The following ARB2A variants were observed in gnomAD, a reference collection of about 807,000 sequenced individuals.
ARB2A encodes the protein cotranscriptional regulator ARB2A.
chr5:93,882,586 T>C, the ARB2A span, among the ~76,000 whole-genome samples: 1 of 151,298 alleles, frequency 6.6e-6, no homozygotes, highest in Admixed American at 6.6e-5. Flanking sequence ...ATTTATATTA[T>C]GTCTAATGGA....
chr5:93,815,923 C>A, the ARB2A span, among the ~76,000 whole-genome samples: 1 of 152,142 alleles, frequency 6.6e-6, no homozygotes, highest in African/African-American at 2.4e-5. Context: ...CTAAAGCCAA[C>A]CTCTACAGCT....
chr5:93,843,570 C>T, the ARB2A span, among the ~76,000 whole-genome samples: 11 of 151,804 alleles, frequency 7.2e-5, no homozygotes, highest in South Asian at 2.1e-4. Context: ...ACTACAGACA[C>T]GTGCCACCAT....
chr5:93,963,063 T>G, the ARB2A span, among the ~76,000 whole-genome samples: 1 of 152,050 alleles, frequency 6.6e-6, no homozygotes, highest in Admixed American at 6.6e-5. Context: ...AATTGTGTTG[T>G]ATCAATAAAT....
chr5:93,714,577 C>T, the ARB2A span, among the ~76,000 whole-genome samples: 1 of 152,096 alleles, frequency 6.6e-6, no homozygotes, highest in African/African-American at 2.4e-5. Context: ...TTAGTTTGAA[C>T]CTTCTCCTTC....
At chr5:93,765,803 G>C in the ARB2A span, among the ~76,000 whole-genome samples, 6 of 152,128 alleles carry the variant, frequency 3.9e-5, no homozygotes, top group African/African-American at 9.7e-5. Flanking sequence ...CAAGGCTATG[G>C]TAACCAAAAC....
chr5:93,733,908 T>C, the ARB2A span: 105 of 152,326 alleles, frequency 6.9e-4, no homozygotes, highest in African/African-American at 2.4e-3. Flanking sequence ...AAACCAATAC[T>C]GTTTAGTAGG....
At chr5:93,866,807 A>T in the ARB2A span, among the ~76,000 whole-genome samples, 4 of 152,318 alleles carry the variant, frequency 2.6e-5, no homozygotes, top group East Asian at 7.7e-4. Flanking sequence ...CTACATCTAC[A>T]AATGAAATAG....
chr5:93,896,886 C>A, the ARB2A span, among the ~76,000 whole-genome samples: 1 of 151,974 alleles, frequency 6.6e-6, no homozygotes, highest in African/African-American at 2.4e-5. Context: ...TTAAAAAATA[C>A]ATTAACATTT....
the ARB2A span, chr5:93,805,874 C>T: frequency 5.3e-5 from 52 of 984,886 alleles, no homozygotes; most frequent in Non-Finnish European, 6.1e-5. Flanking sequence ...CATAGCTAAG[C>T]GAAAGCACTT....
chr5:93,683,936 A>C, the ARB2A span, among the ~76,000 whole-genome samples: 1 of 152,194 alleles, frequency 6.6e-6, no homozygotes. Context: ...AAACTGTATT[A>C]TATTTCAATA....
chr5:94,077,256 C>T, the ARB2A span, among the ~76,000 whole-genome samples: 1 of 151,906 alleles, frequency 6.6e-6, no homozygotes, highest in Admixed American at 6.6e-5. Flanking sequence ...GCCTGTAGTC[C>T]CACCTACTCG....
At chr5:93,913,375 A>G in the ARB2A span, among the ~76,000 whole-genome samples, 1 of 151,908 alleles carries the variant, frequency 6.6e-6, no homozygotes, top group Admixed American at 6.6e-5. Flanking sequence ...ATGTTCAGCT[A>G]AGACTCATAT....
the ARB2A span, among the ~76,000 whole-genome samples, chr5:94,031,208 G>T: frequency 6.6e-6 from 1 of 152,172 alleles, no homozygotes; most frequent in Non-Finnish European, 1.5e-5. Context: ...GCTGTGAATG[G>T]AGCACTAAGG....
the ARB2A span, chr5:93,804,868 C>T: frequency 1.2e-6 from 1 of 819,732 alleles, no homozygotes; most frequent in Non-Finnish European, 1.5e-6. Flanking sequence ...TGTACATATA[C>T]TGCAAGTTAA....
chr5:94,047,636 C>T, the ARB2A span, among the ~76,000 whole-genome samples: 2 of 152,086 alleles, frequency 1.3e-5, no homozygotes, highest in Admixed American at 1.3e-4. Flanking sequence ...AAATAACCAT[C>T]AAAGTAAAAA....
At chr5:93,983,691 A>G in the ARB2A span, among the ~76,000 whole-genome samples, 2 of 152,204 alleles carry the variant, frequency 1.3e-5, no homozygotes, top group Non-Finnish European at 2.9e-5. Flanking sequence ...GAAAAATAAT[A>G]GTACTTTTGT....
chr5:93,826,043 C>A, the ARB2A span, among the ~76,000 whole-genome samples: 6 of 152,016 alleles, frequency 3.9e-5, no homozygotes, highest in South Asian at 1.2e-3. Context: ...ACTTGCTAAA[C>A]CCAAATAAAT....
chr5:93,866,416 T>C, the ARB2A span, among the ~76,000 whole-genome samples: 2 of 152,150 alleles, frequency 1.3e-5, no homozygotes, highest in African/African-American at 4.8e-5. Context: ...TACCTTTCCC[T>C]GCCTAATAAA....
the ARB2A span, among the ~76,000 whole-genome samples, chr5:93,860,111 G>A: frequency 6.6e-6 from 1 of 152,086 alleles, no homozygotes; most frequent in Non-Finnish European, 1.5e-5. Context: ...TGACCAAGAT[G>A]GTGAAACCCC....
Sources: gnomAD v4.1 joint callset for allele counts (sites outside exome capture counted in the v4.1 genomes callset) on GRCh38, gnomAD v4.1.1 for gene constraint, MANE v1.5 for transcripts, NCBI Gene and HGNC (gene_info 2026-07-23, HGNC 2026-07-21) for gene names.